Variants in MYOM1 observed in about 807,000 individuals in gnomAD.
MYOM1 encodes the protein myomesin 1.
In MYOM1, 164 loss-of-function variants were observed where a neutral mutation model predicts 205.3. That is an observed-to-expected ratio of 0.80 (90% CI 0.70 to 0.91). The LOEUF is 0.91. Ranked by LOEUF, MYOM1 falls within the 40% of genes least tolerant of loss-of-function variation. The pLI is 0.00. For synonymous variants in MYOM1, 772 were observed against 789.4 expected (o/e 0.98, Z 0.37); for missense variants, 2,011 against 2,127.3 (o/e 0.95, Z 1.08).
Position 3,090,692 on chromosome 18 carries a change from T to C in MYOM1, c.3975A>G (p.Ala1325=). The change falls in exon 27 of 38, where the codon GCA becomes GCG. Residue 1325 remains alanine, a synonymous_variant. Coordinates refer to ENST00000356443, the MANE Select transcript of MYOM1 (RefSeq NM_003803.4). The part of the protein sequence containing the change: ...TYTFQLQDGK[A]TNHSTVVLVG... Reference sequence around the variant, plus strand: ...CGAGAACAACAGTAGAATGGTTAGTTGCTTTTCCATCTTGAAGCTGGAAAG... The same window carrying C: ...CGAGAACAACAGTAGAATGGTTAGTCGCTTTTCCATCTTGAAGCTGGAAAG... The C allele has an allele frequency of 6.2e-7, 1 of 1,613,992 alleles. No individual in the cohort carries two copies. The highest frequency in any genetic ancestry group is 2.2e-5 in the East Asian group (1 of 44,878).
In MYOM1 at chr18:3,085,035, G is replaced by A. The variant is rs762174757; in HGVS notation, c.4339+10C>T. On this transcript the variant is annotated intron_variant, in intron 31 of 37. Transcript: ENST00000356443. ...CACACAAGACAGACCCCAGCAGTTG[G>A]TGGACTGACCTTCATCCACAAGCTT... The A allele has an allele frequency of 1.3e-6, 2 of 1,594,440 alleles. No individual in the cohort carries two copies. Among genetic ancestry groups the A allele is most frequent in the Non-Finnish European group, 1.7e-6 (2 of 1,168,912 alleles).
At chr18:3,141,269 T>G (rs1300119307) in intron 14 of MYOM1, among the ~76,000 whole-genome samples, 2 of 152,242 alleles carry the variant, frequency 1.3e-5, no homozygotes, top group Middle Eastern at 3.2e-3. Context: ...AATACGGATA[T>G]GTGTTTGATT....
rs1360556553 is a variant in MYOM1 at position 3,152,774 on chromosome 18, AT to A, written c.1644-882del. On this transcript the variant is annotated intron_variant, in intron 11 of 37. Transcript: ENST00000356443. This position sits in a 1 kb window ranked among gnomAD's most constrained non-coding sequence, Gnocchi z 4.3. ...GTCCAAAATGTGTAATTCCCAAATGATTCTCAGGGGCGTGGGGGTTGCCAGT... is the reference window on the plus strand; with the variant it reads ...GTCCAAAATGTGTAATTCCCAAATGATCTCAGGGGCGTGGGGGTTGCCAGT... Among the ~76,000 whole-genome samples the A allele has an allele frequency of 3.3e-5, 5 of 152,040 alleles. No homozygotes were observed. The highest frequency in any genetic ancestry group is 5.9e-5 in the Non-Finnish European group (4 of 68,016).
chr18:3,092,405 C>G (rs1370285449), intron 26 of MYOM1, among the ~76,000 whole-genome samples: 2 of 152,154 alleles, frequency 1.3e-5, no homozygotes, highest in Non-Finnish European at 2.9e-5. Flanking sequence ...GTTGCCCAAG[C>G]TGGTTTCAAA....
the MYOM1 span, among the ~76,000 whole-genome samples, chr18:3,226,680 T>C: frequency 6.6e-6 from 1 of 152,164 alleles, no homozygotes; most frequent in Non-Finnish European, 1.5e-5. This position sits in a 1 kb window ranked among gnomAD's most constrained non-coding sequence, Gnocchi z 4.6. Flanking sequence ...GTGTTTACTT[T>C]TCTGTCTCTG....
chr18:3,180,712 T>C (rs2080717139), intron 5 of MYOM1, among the ~76,000 whole-genome samples: 1 of 152,198 alleles, frequency 6.6e-6, no homozygotes, highest in Non-Finnish European at 1.5e-5. Context: ...TATGAATTGC[T>C]AATGAGCTTT....
chr18:3,069,835 T>C (rs1384914239), intron 37 of MYOM1, among the ~76,000 whole-genome samples: 1 of 152,248 alleles, frequency 6.6e-6, no homozygotes, highest in Non-Finnish European at 1.5e-5. Flanking sequence ...TTCTCTTTCT[T>C]AATTCTCAGT....
chr18:3,112,338 T>G lies in MYOM1; in HGVS notation c.3378A>C (p.Pro1126=). Residue 1126 remains proline (P), a synonymous_variant, in exon 22 of 38, where the codon CCA becomes CCC. Coordinates refer to ENST00000356443, the MANE Select transcript of MYOM1 (RefSeq NM_003803.4). ...RAINQAGVGK[P]SDLAGPVVAE... ...CCACAACAGGGCCAGCAAGGTCAGA[T>G]GGCTTCCCAACTCCCGCCTGGTTTA... 6.2e-7 allele frequency: 1 copy of G among 1,613,032 alleles called. No individual in the cohort carries two copies. Among genetic ancestry groups the G allele is most frequent in the Non-Finnish European group, 8.5e-7 (1 of 1,179,182 alleles).
At chr18:3,168,577 C>T (rs1221369685) in intron 9 of MYOM1, among the ~76,000 whole-genome samples, 2 of 152,238 alleles carry the variant, frequency 1.3e-5, no homozygotes, top group Non-Finnish European at 2.9e-5. Flanking sequence ...GCATGAGCCA[C>T]CACGCCCAGC....
At chr18:3,111,537 T>C (rs2079527243) in intron 22 of MYOM1, among the ~76,000 whole-genome samples, 1 of 152,304 alleles carries the variant, frequency 6.6e-6, no homozygotes, top group Admixed American at 6.5e-5. Flanking sequence ...TCTGGCCCAT[T>C]ACCTCTTTTT....
intron 37 of MYOM1, among the ~76,000 whole-genome samples, chr18:3,070,736 TTGTGTGTGTGTG>T (rs57044157): frequency 0.024 from 3,477 of 146,186 alleles, 103 homozygotes; most frequent in African/African-American, 0.073. Flanking sequence ...TGCATGTTCT[TTGTGTGTGTGTG>T]TGTGTGTGTG....
intron 3 of MYOM1, among the ~76,000 whole-genome samples, chr18:3,193,351 T>C (rs966350361): frequency 5.7e-4 from 60 of 105,858 alleles, no homozygotes; most frequent in Middle Eastern, 4.9e-3. Flanking sequence ...CATATACATA[T>C]ATATATATAT....
At chr18:3,229,707 C>T in the MYOM1 span, among the ~76,000 whole-genome samples, 3 of 152,076 alleles carry the variant, frequency 2.0e-5, no homozygotes, top group South Asian at 2.1e-4. Flanking sequence ...CGGTGGCTCA[C>T]GCCTGTAATC....
At chr18:3,131,300 G>A in intron 17 of MYOM1, 75 bp downstream of exon 17, 1 of 1,512,082 alleles carries the variant, frequency 6.6e-7, no homozygotes, top group Non-Finnish European at 9.1e-7. Context: ...AATAATTTCT[G>A]GAGAGGATGG....
At chr18:3,121,009 G>C (rs1598693267) in intron 19 of MYOM1, among the ~76,000 whole-genome samples, 1 of 152,250 alleles carries the variant, frequency 6.6e-6, no homozygotes, top group Non-Finnish European at 1.5e-5. Flanking sequence ...ATTTTCAACA[G>C]AGTATCAGAT....
At chr18:3,085,973 C>T in intron 30 of MYOM1, 65 bp downstream of exon 30, 1 of 975,182 alleles carries the variant, frequency 1.0e-6, no homozygotes, top group South Asian at 1.4e-5. Context: ...AATCTAGTTA[C>T]TGTTTTGGGG....
upstream of MYOM1, among the ~76,000 whole-genome samples, chr18:3,220,777 G>A (rs1438210458): frequency 6.6e-6 from 1 of 152,018 alleles, no homozygotes; most frequent in Non-Finnish European, 1.5e-5. Context: ...TATAAAATGG[G>A]GATAATCATA....
At chr18:3,214,908 A>G in intron 2 of MYOM1, 26 bp downstream of exon 2, 1 of 1,550,316 alleles carries the variant, frequency 6.5e-7, no homozygotes, top group Non-Finnish European at 8.7e-7. Context: ...TGAGGTTGGA[A>G]GGTTGGAGGA....
At chr18:3,100,023 A>G in intron 25 of MYOM1, 136 bp downstream of exon 25, 2 of 853,426 alleles carry the variant, frequency 2.3e-6, no homozygotes, top group South Asian at 1.6e-5. Context: ...GCACATCTGT[A>G]GCTACTGATG....
Sources: gnomAD v4.1 joint callset for allele counts (sites outside exome capture counted in the v4.1 genomes callset) on GRCh38, gnomAD v4.1.1 for gene constraint, Gnocchi (gnomAD v3.1) non-coding constraint, MANE v1.5 for transcripts, NCBI Gene and HGNC (gene_info 2026-07-23, HGNC 2026-07-21) for gene names.